Variants in FUT8 observed in about 807,000 individuals in gnomAD.
The protein encoded by FUT8 is fucosyltransferase 8.
FUT8 carries 29 observed loss-of-function variants against 71.3 expected under a neutral mutation model. The observed-to-expected ratio is 0.41, with a 90% CI of 0.30 to 0.55. FUT8 has a LOEUF of 0.55. Among genes scored for constraint, FUT8 ranks in the 20% least tolerant of loss-of-function variants. The probability of loss-of-function intolerance (pLI) is 0.34; values close to 1 mark genes in which losing one functional copy is unlikely to be tolerated. For synonymous variants in FUT8, 254 were observed against 239.3 expected, an observed-to-expected ratio of 1.06 and a Z score of -0.57; for missense variants, 544 against 702.1, an observed-to-expected ratio of 0.77 and a Z score of 2.55.
intron 1 of FUT8, among the ~76,000 whole-genome samples, chr14:65,424,488 T>C (rs756404705): frequency 2.6e-5 from 4 of 152,062 alleles, no homozygotes; most frequent in African/African-American, 7.2e-5. Context: ...TATCTACATA[T>C]ATTTTAAGCA....
intron 3 of FUT8, among the ~76,000 whole-genome samples, chr14:65,597,788 A>G (rs1172752089): frequency 6.6e-6 from 1 of 152,160 alleles, no homozygotes; most frequent in Non-Finnish European, 1.5e-5. Context: ...AGCACTGACT[A>G]ATATGGACAA....
intron 3 of FUT8, among the ~76,000 whole-genome samples, chr14:65,579,696 G>T (rs1259661970): frequency 2.0e-5 from 3 of 152,118 alleles, no homozygotes; most frequent in African/African-American, 4.8e-5. Context: ...AATAGATATA[G>T]TATATCTAAA....
At chr14:65,418,282 T>A (rs1364017856) in intron 1 of FUT8, among the ~76,000 whole-genome samples, 2 of 152,216 alleles carry the variant, frequency 1.3e-5, no homozygotes, top group Non-Finnish European at 2.9e-5. Context: ...TGTCTAAGTC[T>A]TATTTGATCA....
rs1170277658 is a variant in FUT8 at position 65,561,304 on chromosome 14, A to G, written c.-227-33A>G. ...GTATATGCTATTTTATATACCTTAA[A>G]TAATTTAAATACATTTCTTACTCTT... On this transcript the variant is annotated intron_variant, in intron 2 of 10. Coordinates refer to ENST00000673929, the MANE Select transcript of FUT8 (RefSeq NM_001371533.1). 1.7e-5 allele frequency: 7 copies of G among 410,698 alleles called. No individual in the cohort carries two copies. In the Admixed American group the frequency reaches 2.5e-4, roughly 15 times the overall value. 25.4% of individuals were successfully genotyped at this position (410,698 alleles called of 1,614,324 possible).
At chr14:65,521,818 G>A (rs547730394) in intron 2 of FUT8, among the ~76,000 whole-genome samples, 22 of 151,984 alleles carry the variant, frequency 1.4e-4, no homozygotes, top group African/African-American at 5.3e-4. Flanking sequence ...CAAACACATG[G>A]CAGGCAATTT....
rs575696134 is a variant in FUT8, at chr14:65,453,963, C to G, written c.-325-1658C>G. On this transcript the variant is annotated intron_variant, in intron 1 of 10. Coordinates refer to ENST00000673929, the MANE Select transcript of FUT8 (RefSeq NM_001371533.1). ...CTTGGCAATGGTGTCTAGAACATGT[C>G]TCTAGGCAGAAAGCCAGGGTGGTCA... 2.6e-5 allele frequency among the ~76,000 whole-genome samples: 4 copies of G among 152,218 alleles called. No individual in the cohort carries two copies. In the East Asian group the frequency reaches 7.7e-4, roughly 29 times the overall value.
At chr14:65,716,383 C>CT (rs1283884145) in intron 7 of FUT8, among the ~76,000 whole-genome samples, 5,333 of 130,070 alleles carry the variant, frequency 0.041, 139 homozygotes, top group East Asian at 0.073. Flanking sequence ...TTCTTTGTCC[C>CT]TTTTTTTTTT....
rs562582135 is a variant in FUT8, at chr14:65,526,849, T to C, written c.-227-34488T>C. Among the ~76,000 whole-genome samples the C allele has an allele frequency of 4.9e-3, 741 of 152,348 alleles. 8 individuals are homozygous for C. Among genetic ancestry groups the C allele is most frequent in the African/African-American group, 0.017 (705 of 41,586 alleles). On this transcript the variant is annotated intron_variant, in intron 2 of 10. Coordinates refer to ENST00000673929, the MANE Select transcript of FUT8 (RefSeq NM_001371533.1). The stretch of plus-strand genomic sequence containing the variant: ...CTTAGTTTGGCTGGATATGAAATTC[T>C]GGGTTGAAAATTCTTTTCTTTAAGA...
chr14:65,452,686 A>T (rs958222244), intron 1 of FUT8, among the ~76,000 whole-genome samples: 1 of 152,242 alleles, frequency 6.6e-6, no homozygotes. Context: ...AAACTATGGG[A>T]AGCTGCGGAA....
chr14:65,619,291 G>A (rs1020623902), intron 5 of FUT8, among the ~76,000 whole-genome samples: 1 of 152,076 alleles, frequency 6.6e-6, no homozygotes, highest in Admixed American at 6.6e-5. Flanking sequence ...GGTAGAAATC[G>A]CATTTCTCTG....
At chr14:65,429,261 C>T (rs188459133) in intron 1 of FUT8, among the ~76,000 whole-genome samples, 1 of 152,090 alleles carries the variant, frequency 6.6e-6, no homozygotes, top group Non-Finnish European at 1.5e-5. Context: ...GTTATTTTAC[C>T]TACAGTAGTA....
chr14:65,387,189 C>A, the FUT8 span, among the ~76,000 whole-genome samples: 1 of 152,058 alleles, frequency 6.6e-6, no homozygotes, highest in Non-Finnish European at 1.5e-5. Context: ...TATTTTGACA[C>A]TTAAATTTAA....
chr14:65,369,414 T>C, the FUT8 span, among the ~76,000 whole-genome samples: 2 of 152,194 alleles, frequency 1.3e-5, no homozygotes, highest in African/African-American at 4.8e-5. The surrounding 1 kb of genome is among the most constrained non-coding windows in gnomAD (Gnocchi z 4.6). Flanking sequence ...CTTCATCTTG[T>C]ATAGGGGCTG....
intron 7 of FUT8, among the ~76,000 whole-genome samples, chr14:65,676,531 A>G (rs1190916395): frequency 6.6e-6 from 1 of 152,236 alleles, no homozygotes; most frequent in Non-Finnish European, 1.5e-5. Flanking sequence ...ATTCCAGCGG[A>G]GCTAGATTAC....
rs149710307 is a variant in FUT8 at position 65,665,265 on chromosome 14, G to A, written c.598-3978G>A. On this transcript the variant is annotated intron_variant, in intron 6 of 10. Coordinates refer to ENST00000673929, the MANE Select transcript of FUT8 (RefSeq NM_001371533.1). ...AGATGGAATTAATAGAGAAATTAGA[G>A]TTTTTCTTTTAAGATAATTTGAGTT... 1.7e-3 allele frequency among the ~76,000 whole-genome samples: 254 copies of A among 152,260 alleles called. 1 individual carries two copies. Among genetic ancestry groups the A allele is most frequent in the African/African-American group, 5.7e-3 (235 of 41,560 alleles).
intron 1 of FUT8, among the ~76,000 whole-genome samples, chr14:65,451,017 C>T (rs2065815679): frequency 6.6e-6 from 1 of 152,058 alleles, no homozygotes; most frequent in African/African-American, 2.4e-5. Context: ...CCACCGCACC[C>T]CGCTAATTTT....
In FUT8 at chr14:65,643,797, C is replaced by G. The variant is rs144836540; in HGVS notation, c.597+14191C>G. The stretch of plus-strand genomic sequence containing the variant: ...CCCAGTAGAGGTTTTATCCTTTTAA[C>G]TTTCTTGAATATACGTTGAACTTAA... On this transcript the variant is annotated intron_variant, in intron 6 of 10. Transcript: ENST00000673929. This position sits in a 1 kb window ranked among gnomAD's most constrained non-coding sequence, Gnocchi z 4.5. Among the ~76,000 whole-genome samples the G allele has an allele frequency of 8.4e-4, 127 of 151,676 alleles. No individual in the cohort carries two copies. Among genetic ancestry groups the G allele is most frequent in the African/African-American group, 2.9e-3 (118 of 41,282 alleles).
intron 2 of FUT8, among the ~76,000 whole-genome samples, chr14:65,496,236 TC>T (rs1340290807): frequency 1.3e-5 from 2 of 152,154 alleles, no homozygotes; most frequent in African/African-American, 4.8e-5. Flanking sequence ...ATATTTTCAG[TC>T]ATATTCCTTT....
At chr14:65,665,109 T>C (rs1446345809) in intron 6 of FUT8, among the ~76,000 whole-genome samples, 4 of 152,202 alleles carry the variant, frequency 2.6e-5, no homozygotes, top group Admixed American at 2.0e-4. Flanking sequence ...GTAGCTATTA[T>C]CAAGTATGAT....
Sources: gnomAD v4.1 joint callset for allele counts (sites outside exome capture counted in the v4.1 genomes callset) on GRCh38, gnomAD v4.1.1 for gene constraint, Gnocchi (gnomAD v3.1) non-coding constraint, MANE v1.5 for transcripts, NCBI Gene and HGNC (gene_info 2026-07-23, HGNC 2026-07-21) for gene names.